SEC14L2: variants seen among roughly 807,000 people sequenced by gnomAD.
SEC14L2 encodes SEC14-like protein 2.
SEC14L2 carries 50 observed loss-of-function variants against 56.9 expected under a neutral mutation model. That is an observed-to-expected ratio of 0.88 (90% CI 0.70 to 1.11). SEC14L2 has a LOEUF of 1.11. Ranked by LOEUF, SEC14L2 falls within the 50% of genes most tolerant of loss-of-function variation. SEC14L2 has a pLI of 0.00. For missense variants in SEC14L2, 414 were observed against 500.7 expected (o/e 0.83, Z 1.65); for synonymous variants, 179 against 188.5 (o/e 0.95, Z 0.41).
In SEC14L2 at chr22:30,423,353, CCTGA is replaced by C. The variant is rs925061895; in HGVS notation, c.*952_*955del. The C allele has an allele frequency of 1.3e-5, 2 of 152,806 alleles. No homozygotes were observed. The highest frequency in any genetic ancestry group is 4.8e-5 in the African/African-American group (2 of 41,472). 9.5% of individuals were successfully genotyped at this position (152,806 alleles called of 1,614,324 possible). On this transcript the variant is annotated 3_prime_UTR_variant, in exon 12 of 12. Coordinates refer to ENST00000615189, the MANE Select transcript of SEC14L2 (RefSeq NM_012429.5). ...TCCCGCGGTGCCCGCCAACCCGCTT[CCTGA>C]CTGACCTGAGCAAGGTCTTACTAAG...
intron 1 of SEC14L2, 89 bp from the exon 2 acceptor site, chr22:30,399,554 C>A: frequency 1.6e-6 from 1 of 644,250 alleles, no homozygotes. Flanking sequence ...AAGAAAGAGG[C>A]GTCCAGCAAA....
chr22:30,408,386 G>A (rs1934156105), intron 5 of SEC14L2, among the ~76,000 whole-genome samples: 1 of 151,784 alleles, frequency 6.6e-6, no homozygotes, highest in Non-Finnish European at 1.5e-5. Flanking sequence ...GAGCCCAAGA[G>A]TTCAAGACCA....
chr22:30,407,171 C>T lies in SEC14L2; in HGVS notation c.234+17C>T, dbSNP rs888036242. 13 of 1,613,210 alleles carry T rather than the reference C, an allele frequency of 8.1e-6. No homozygotes were observed. The highest frequency in any genetic ancestry group is 1.1e-5 in the Non-Finnish European group (13 of 1,179,430). The stretch of plus-strand genomic sequence containing the variant: ...CCTCCAGAGGTGAGCACAAATTATC[C>T]CACCTCATCCCTATGCTAGGCCTTT... On this transcript the variant is annotated intron_variant, in intron 4 of 11. Coordinates refer to ENST00000615189, the MANE Select transcript of SEC14L2 (RefSeq NM_012429.5).
chr22:30,409,587 C>A, intron 7 of SEC14L2, 101 bp downstream of exon 7: 1 of 1,119,702 alleles, frequency 8.9e-7, no homozygotes, highest in Non-Finnish European at 1.4e-6. Flanking sequence ...AAGAGGGGGT[C>A]TGAGGACATG....
At position 30,422,270 on chromosome 22, in the gene SEC14L2, C is replaced by G. The variant is rs1934539573; in HGVS notation, c.1082-7C>G. On this transcript the variant is annotated splice_polypyrimidine_tract_variant and splice_region_variant and intron_variant, in intron 11 of 11. Transcript: ENST00000615189. ...TGAATGTCTGTCTGGTTTCTGCCTT[C>G]CCTCAGATGTCCTGCGGTTTGACAA... 6.2e-7 allele frequency: 1 copy of G among 1,613,882 alleles called. No homozygotes were observed. Among genetic ancestry groups the G allele is most frequent in the Admixed American group, 1.7e-5 (1 of 59,982 alleles).
chr22:30,397,175 G>A lies in SEC14L2; in HGVS notation c.54+5G>A, dbSNP rs767034948. On this transcript the variant is annotated splice_donor_5th_base_variant and intron_variant, in intron 1 of 11. Transcript: ENST00000615189. ...CAGAAGGAGGCATTGGCCAAGGTGA[G>A]CTGTAGCCCTGGCCCGGGCTCCCGC... 2 of 1,535,006 alleles carry A rather than the reference G, an allele frequency of 1.3e-6. No individual in the cohort carries two copies. Among genetic ancestry groups the A allele is most frequent in the Non-Finnish European group, 1.8e-6 (2 of 1,139,614 alleles).
In SEC14L2 at chr22:30,409,000, G is replaced by A. The variant is rs1934173319; in HGVS notation, c.424-187G>A. The A allele has an allele frequency of 4.3e-6, 3 of 690,886 alleles. No individual in the cohort carries two copies. The South Asian group carries it at 4.6e-5, about 11-fold the overall frequency. The allele number at this position is 690,886 out of a possible 1,614,324, so 42.8% of individuals were successfully genotyped here. On this transcript the variant is annotated intron_variant, in intron 5 of 11. Coordinates refer to ENST00000615189, the MANE Select transcript of SEC14L2 (RefSeq NM_012429.5). ...GGAAAAGAACACAGAGACCTAGGCA[G>A]GAAGAGTGACTCGCCTAGACCACAA...
At chr22:30,397,230 C>T (rs1933779745) in intron 1 of SEC14L2, 60 bp downstream of exon 1, 2 of 1,390,760 alleles carry the variant, frequency 1.4e-6, no homozygotes, top group Non-Finnish European at 1.9e-6. Flanking sequence ...CCTCCTGCGG[C>T]AGCGAGAAGG....
rs1934190448 is a variant in SEC14L2 at position 30,409,461 on chromosome 22, A to C, written c.555A>C (p.Thr185=). Residue 185 remains threonine (T), a synonymous_variant, in exon 7 of 12, where the codon ACA becomes ACC. Transcript: ENST00000615189. The part of the protein sequence containing the change: ...LCMFEENYPE[T]LKRLFVVKAP... The stretch of plus-strand genomic sequence containing the variant: ...TGTTTGAGGAAAATTATCCCGAAAC[A>C]CTGAAGCGTCTTTTTGTTGTTAAAG... 7 of 1,614,084 alleles carry C rather than the reference A, an allele frequency of 4.3e-6. No individual in the cohort carries two copies. The South Asian group carries it at 7.7e-5, about 18-fold the overall frequency.
rs140250804 is a variant in SEC14L2 at position 30,416,357 on chromosome 22, C to T, written c.1035C>T (p.His345=). 1 of 1,614,086 alleles carries T rather than the reference C, an allele frequency of 6.2e-7. No individual in the cohort carries two copies. The highest frequency in any genetic ancestry group is 1.3e-5 in the African/African-American group (1 of 74,928). ...TGCCCAACCAGAGGTACAACTCCCA[C>T]CTGGTCCCTGAAGATGGGACCCTCA... The part of the protein sequence containing the change: ...EVLPNQRYNS[H]LVPEDGTLTC... Residue 345 remains histidine, a synonymous_variant, in exon 11 of 12, where the codon CAC becomes CAT. Coordinates refer to ENST00000615189, the MANE Select transcript of SEC14L2 (RefSeq NM_012429.5).
At chr22:30,411,521 G>A (rs561463646) in intron 8 of SEC14L2, among the ~76,000 whole-genome samples, 32 of 152,080 alleles carry the variant, frequency 2.1e-4, no homozygotes, top group South Asian at 4.2e-4. Flanking sequence ...CGAGGTAGGC[G>A]GATCGCTTGA....
At chr22:30,401,981 C>G (rs1445578882) in intron 2 of SEC14L2, among the ~76,000 whole-genome samples, 1 of 152,062 alleles carries the variant, frequency 6.6e-6, no homozygotes, top group Non-Finnish European at 1.5e-5. Flanking sequence ...CCTTTTCTTT[C>G]CAGAAATTTC....
chr22:30,407,365 C>A (rs769714526), intron 4 of SEC14L2, 50 bp from the exon 5 acceptor site: 2 of 1,590,690 alleles, frequency 1.3e-6, no homozygotes, highest in South Asian at 1.1e-5. Context: ...GTGGTCCAGG[C>A]AAGGTATGGA....
intron 8 of SEC14L2, among the ~76,000 whole-genome samples, chr22:30,414,262 G>GT (rs1934329107): frequency 1.3e-5 from 2 of 152,228 alleles, no homozygotes; most frequent in Middle Eastern, 3.4e-3. Context: ...TATGATTTTT[G>GT]TTTTTTCTGC....
intron 8 of SEC14L2, among the ~76,000 whole-genome samples, chr22:30,411,072 G>A (rs1295856969): frequency 2.0e-5 from 3 of 152,082 alleles, no homozygotes; most frequent in Non-Finnish European, 4.4e-5. Context: ...AGACCAGCCT[G>A]GGCAACAAAG....
intron 2 of SEC14L2, among the ~76,000 whole-genome samples, chr22:30,402,079 T>G (rs567305462): frequency 6.6e-6 from 1 of 152,074 alleles, no homozygotes; most frequent in Non-Finnish European, 1.5e-5. Flanking sequence ...CTTGCCCCTT[T>G]CCCCAAAAAA....
At chr22:30,421,264 A>C (rs1294339024) in intron 11 of SEC14L2, 3 of 152,324 alleles carry the variant, frequency 2.0e-5, no homozygotes, top group Non-Finnish European at 4.4e-5. Flanking sequence ...TCATCGCAGG[A>C]TTTCAGGAAA....
chr22:30,419,932 G>A (rs898473076), intron 11 of SEC14L2, among the ~76,000 whole-genome samples: 2 of 151,378 alleles, frequency 1.3e-5, no homozygotes, highest in African/African-American at 4.9e-5. Context: ...AAAATTATGT[G>A]CCTTTTTTTC....
chr22:30,401,819 T>C (rs1933945784), intron 2 of SEC14L2, among the ~76,000 whole-genome samples: 1 of 151,934 alleles, frequency 6.6e-6, no homozygotes, highest in African/African-American at 2.4e-5. Flanking sequence ...CTCAAACTCC[T>C]GGGATCAAGT....
Sources: gnomAD v4.1 joint callset for allele counts (sites outside exome capture counted in the v4.1 genomes callset) on GRCh38, gnomAD v4.1.1 for gene constraint, MANE v1.5 for transcripts, NCBI Gene and HGNC (gene_info 2026-07-23, HGNC 2026-07-21) for gene names.